The following THEMIS variants were observed in gnomAD, a reference collection of about 807,000 sequenced individuals.
THEMIS encodes protein THEMIS.
Under a neutral mutation model 52.6 loss-of-function variants are expected in THEMIS, and 37 were observed. The observed-to-expected ratio is 0.70, with a 90% confidence interval of 0.54 to 0.93. THEMIS has a LOEUF of 0.93. THEMIS is among the 40% of genes least tolerant of loss of function. THEMIS has a pLI of 0.00. For missense variants in THEMIS, 808 were observed against 763.1 expected (o/e 1.06, Z -0.69); for synonymous variants, 292 against 272.7 (o/e 1.07, Z -0.70).
chr6:127,714,141 T>C (rs1774078188), intron 5 of THEMIS, among the ~76,000 whole-genome samples: 1 of 151,920 alleles, frequency 6.6e-6, no homozygotes, highest in Non-Finnish European at 1.5e-5. Flanking sequence ...TTCTAGTGCA[T>C]TATTTTTCAA....
At chr6:127,747,237 C>T (rs981371011) in intron 4 of THEMIS, among the ~76,000 whole-genome samples, 8 of 137,368 alleles carry the variant, frequency 5.8e-5, no homozygotes, top group Non-Finnish European at 9.2e-5. Context: ...ACATTATATG[C>T]ATATTATAGC....
chr6:127,735,377 T>C (rs566202539), intron 4 of THEMIS, among the ~76,000 whole-genome samples: 8 of 152,262 alleles, frequency 5.3e-5, no homozygotes, highest in Non-Finnish European at 1.0e-4. Context: ...TCTGTATCTT[T>C]TGTAGCAACT....
At chr6:127,701,129 C>A in the THEMIS span, among the ~76,000 whole-genome samples, 2 of 152,178 alleles carry the variant, frequency 1.3e-5, no homozygotes, top group Admixed American at 6.5e-5. Flanking sequence ...ATTCTCATCA[C>A]CCCAGAGACC....
intron 4 of THEMIS, among the ~76,000 whole-genome samples, chr6:127,726,063 G>A (rs572646543): frequency 1.3e-5 from 2 of 152,066 alleles, no homozygotes; most frequent in East Asian, 3.9e-4. Flanking sequence ...GCTTGGTCTG[G>A]GCTGGCAGTT....
intron 2 of THEMIS, 135 bp downstream of exon 2, chr6:127,854,895 T>C (rs1358604023): frequency 1.3e-5 from 9 of 690,952 alleles, no homozygotes; most frequent in Non-Finnish European, 1.9e-5. Flanking sequence ...GATCAAACTA[T>C]AACAATTCCG....
At chr6:127,752,163 C>T (rs1775665613) in intron 4 of THEMIS, among the ~76,000 whole-genome samples, 1 of 151,496 alleles carries the variant, frequency 6.6e-6, no homozygotes. Flanking sequence ...CAGCAAAAGC[C>T]ATTCTAAAAG....
chr6:127,747,382 T>G (rs1775485322), intron 4 of THEMIS, among the ~76,000 whole-genome samples: 1 of 145,710 alleles, frequency 6.9e-6, no homozygotes, highest in Non-Finnish European at 1.5e-5. Flanking sequence ...TATTATATAT[T>G]ATAGATATAG....
At chr6:127,719,400 A>G (rs1337380409) in intron 5 of THEMIS, among the ~76,000 whole-genome samples, 1 of 151,992 alleles carries the variant, frequency 6.6e-6, no homozygotes, top group Admixed American at 6.6e-5. Flanking sequence ...CAAAAATATT[A>G]TTATCACAAC....
intron 4 of THEMIS, among the ~76,000 whole-genome samples, chr6:127,783,973 C>G (rs1776836818): frequency 6.6e-6 from 1 of 152,148 alleles, no homozygotes; most frequent in Non-Finnish European, 1.5e-5. Context: ...ATAGAAAAGA[C>G]TTGGAACCAA....
At chr6:127,726,054 C>T (rs554132912) in intron 4 of THEMIS, among the ~76,000 whole-genome samples, 59 of 152,214 alleles carry the variant, frequency 3.9e-4, no homozygotes, top group African/African-American at 1.3e-3. Flanking sequence ...ACCTTGCTGG[C>T]TTGGTCTGGG....
chr6:127,824,817 T>C (rs934154989), intron 3 of THEMIS, among the ~76,000 whole-genome samples: 4 of 152,062 alleles, frequency 2.6e-5, no homozygotes, highest in African/African-American at 7.2e-5. Flanking sequence ...CCCAGCTACT[T>C]GACAGGCTGA....
At chr6:127,722,699 G>A (rs73773844) in intron 4 of THEMIS, among the ~76,000 whole-genome samples, 34 of 151,944 alleles carry the variant, frequency 2.2e-4, no homozygotes, top group Non-Finnish European at 3.2e-4. Flanking sequence ...AGTGTTGTCC[G>A]TTGCAACCTT....
intron 2 of THEMIS, among the ~76,000 whole-genome samples, chr6:127,838,509 C>T (rs2114687662): frequency 6.6e-6 from 1 of 151,958 alleles, no homozygotes; most frequent in South Asian, 2.1e-4. Flanking sequence ...ACATTTCTTC[C>T]TCATTTTTTT....
chr6:127,842,723 C>A (rs909469374), intron 2 of THEMIS, among the ~76,000 whole-genome samples: 1 of 151,926 alleles, frequency 6.6e-6, no homozygotes, highest in African/African-American at 2.4e-5. Flanking sequence ...ATTTTACATT[C>A]CAAGGTAATA....
Position 127,802,356 on chromosome 6 carries a change from C to G in THEMIS, c.1758+10527G>C, listed in dbSNP as rs890207298. Among the ~76,000 whole-genome samples, 4 of 152,300 alleles carry G rather than the reference C, an allele frequency of 2.6e-5. No individual in the cohort carries two copies. The South Asian group carries it at 8.3e-4, about 32-fold the overall frequency. On this transcript the variant is annotated intron_variant, in intron 4 of 5. Transcript: ENST00000368248. ...TGTATGTCAGATCTAACGAGGGAAC[C>G]ACTGTCACTCAACTACAAAATTTAA...
intron 4 of THEMIS, among the ~76,000 whole-genome samples, chr6:127,725,716 A>T (rs989351099): frequency 6.6e-6 from 1 of 152,070 alleles, no homozygotes; most frequent in Non-Finnish European, 1.5e-5. Flanking sequence ...ATCCATACAT[A>T]CTCAAACTGC....
intron 3 of THEMIS, among the ~76,000 whole-genome samples, chr6:127,815,326 C>G (rs1326012967): frequency 1.3e-5 from 2 of 151,770 alleles, no homozygotes; most frequent in South Asian, 4.2e-4. Context: ...TCCTTCCATG[C>G]TTTTGAAAAT....
chr6:127,844,128 G>T (rs904835615), intron 2 of THEMIS, among the ~76,000 whole-genome samples: 4 of 151,948 alleles, frequency 2.6e-5, no homozygotes, highest in Non-Finnish European at 5.9e-5. Context: ...TCACATATGA[G>T]GTTCATATTA....
intron 4 of THEMIS, among the ~76,000 whole-genome samples, chr6:127,798,071 T>C (rs1314912563): frequency 6.6e-6 from 1 of 152,232 alleles, no homozygotes. Context: ...CAGACACAGA[T>C]GAATACAGAA....
Sources: allele counts gnomAD v4.1 joint callset (sites outside exome capture counted in the v4.1 genomes callset), GRCh38; gene constraint gnomAD v4.1.1; transcripts MANE v1.5; gene names NCBI Gene and HGNC (gene_info 2026-07-23, HGNC 2026-07-21).